EPHB2: variants seen among roughly 807,000 people sequenced by gnomAD.
EPHB2 encodes the protein EPH receptor B2.
A neutral mutation model predicts 96.4 loss-of-function variants in EPHB2; 18 were observed. That is an observed-to-expected ratio of 0.19 (90% CI 0.13 to 0.28). EPHB2 has a LOEUF of 0.28. Ranked by LOEUF, EPHB2 falls within the 10% of genes least tolerant of loss-of-function variation. The pLI, the probability that EPHB2 is intolerant of heterozygous loss-of-function variation, is 1.00. For synonymous variants in EPHB2, 506 were observed against 534.1 expected (o/e 0.95, Z 0.72); for missense variants, 989 against 1,355.4 (o/e 0.73, Z 4.25).
chr1:22,716,124 T>A (rs779208396), intron 1 of EPHB2, among the ~76,000 whole-genome samples: 1 of 152,182 alleles, frequency 6.6e-6, no homozygotes, highest in Non-Finnish European at 1.5e-5. Flanking sequence ...ACTCCATCCC[T>A]GCCTCTTTCT....
Position 22,915,557 on chromosome 1 carries a change from C to T in EPHB2, c.*1987C>T, listed in dbSNP as rs767068423. On this transcript the variant is annotated 3_prime_UTR_variant, in exon 16 of 16. Coordinates refer to ENST00000374630, the MANE Select transcript of EPHB2 (RefSeq NM_017449.5). ...GAGTTGGAAGTGGCTCAGAACTCAGCCTTCGATGCCCTGGGAATCAGGGTG... is the reference window on the plus strand; with the variant it reads ...GAGTTGGAAGTGGCTCAGAACTCAGTCTTCGATGCCCTGGGAATCAGGGTG... The T allele has an allele frequency of 2.0e-5, 3 of 152,156 alleles. No homozygotes were observed. The highest frequency in any genetic ancestry group is 2.9e-5 in the Non-Finnish European group (2 of 68,054). 9.4% of individuals were successfully genotyped at this position (152,156 alleles called of 1,614,324 possible). A position where few individuals can be genotyped will look rare whatever the true frequency, so the allele number is the denominator to read the frequency against.
chr1:22,852,851 G>T (rs1355108385), intron 3 of EPHB2, among the ~76,000 whole-genome samples: 1 of 152,370 alleles, frequency 6.6e-6, no homozygotes, highest in East Asian at 1.9e-4. Flanking sequence ...AGCAGGGCAG[G>T]TGCAGTGGCT....
At chr1:22,735,703 T>C (rs1557643495) in intron 1 of EPHB2, among the ~76,000 whole-genome samples, 1 of 152,190 alleles carries the variant, frequency 6.6e-6, no homozygotes. Flanking sequence ...CAATTCAAGC[T>C]TGACTCATTT....
chr1:22,751,975 G>A (rs1020176147), intron 1 of EPHB2, among the ~76,000 whole-genome samples: 1 of 152,196 alleles, frequency 6.6e-6, no homozygotes, highest in Non-Finnish European at 1.5e-5. Flanking sequence ...TCCACCCTGT[G>A]CACAGTGACA....
intron 1 of EPHB2, among the ~76,000 whole-genome samples, chr1:22,720,660 T>TCCCCCCCCCCC (rs916713865): frequency 8.7e-5 from 5 of 57,400 alleles, no homozygotes; most frequent in Non-Finnish European, 1.0e-4. Flanking sequence ...GAAATCTCAT[T>TCCCCCCCCCCC]CCCCCCCCCC....
At chr1:22,725,409 G>A (rs1353616580) in intron 1 of EPHB2, among the ~76,000 whole-genome samples, 3 of 152,034 alleles carry the variant, frequency 2.0e-5, no homozygotes, top group Non-Finnish European at 4.4e-5. Context: ...AGGGACAATG[G>A]CAGGATGATT....
At chr1:22,722,794 T>C (rs546966792) in intron 1 of EPHB2, among the ~76,000 whole-genome samples, 1 of 152,316 alleles carries the variant, frequency 6.6e-6, no homozygotes. Flanking sequence ...CTTGGCCCTC[T>C]TAGCTCTTTG....
At chr1:22,798,743 A>C (rs1468533694) in intron 3 of EPHB2, among the ~76,000 whole-genome samples, 1 of 152,086 alleles carries the variant, frequency 6.6e-6, no homozygotes, top group Non-Finnish European at 1.5e-5. Context: ...CCTGAGCCTC[A>C]GTTTCCCTGT....
At chr1:22,850,440 T>C (rs1226646676) in intron 3 of EPHB2, among the ~76,000 whole-genome samples, 1 of 152,226 alleles carries the variant, frequency 6.6e-6, no homozygotes, top group Non-Finnish European at 1.5e-5. Context: ...GGACTGGGCC[T>C]GCCAGGCCTT....
intron 1 of EPHB2, among the ~76,000 whole-genome samples, chr1:22,759,005 GGATGGAT>G (rs1397083058): frequency 1.3e-5 from 2 of 151,986 alleles, no homozygotes; most frequent in Non-Finnish European, 2.9e-5. Context: ...AATGATGGAT[GGATGGAT>G]GATGGGTGAT....
intron 3 of EPHB2, among the ~76,000 whole-genome samples, chr1:22,802,049 G>T (rs1466615424): frequency 1.3e-5 from 2 of 152,170 alleles, no homozygotes; most frequent in African/African-American, 4.8e-5. Flanking sequence ...GCTGCTGGGG[G>T]GTGGGGTGCT....
intron 3 of EPHB2, among the ~76,000 whole-genome samples, chr1:22,831,322 C>T (rs1474363844): frequency 6.6e-6 from 1 of 152,178 alleles, no homozygotes; most frequent in Non-Finnish European, 1.5e-5. Context: ...AAACCCAGAA[C>T]TGGGATGGGG....
intron 9 of EPHB2, among the ~76,000 whole-genome samples, chr1:22,899,193 CAAA>C (rs34967134): frequency 1.7e-4 from 20 of 115,148 alleles, no homozygotes; most frequent in Admixed American, 3.7e-4. Context: ...AACGCCATCT[CAAA>C]AAAAAAAAAA....
chr1:22,905,867 C>T, intron 9 of EPHB2, 120 bp from the exon 10 acceptor site: 1 of 1,527,556 alleles, frequency 6.5e-7, no homozygotes, highest in Admixed American at 1.7e-5. Context: ...GGGAGTTGCC[C>T]AGTTCTTATG....
intron 3 of EPHB2, chr1:22,835,869 T>C (rs1368894057): frequency 2.0e-5 from 3 of 151,556 alleles, no homozygotes; most frequent in Non-Finnish European, 3.0e-5. Context: ...CCACTTGGCT[T>C]TCTCCTGAGA....
intron 1 of EPHB2, among the ~76,000 whole-genome samples, chr1:22,780,943 C>T (rs887630708): frequency 2.0e-5 from 3 of 152,010 alleles, no homozygotes; most frequent in African/African-American, 4.8e-5. Context: ...GAGTCTAAAC[C>T]GAGGGCAGTC....
chr1:22,842,699 C>T (rs575203736), intron 3 of EPHB2, among the ~76,000 whole-genome samples: 14 of 152,168 alleles, frequency 9.2e-5, no homozygotes, highest in Non-Finnish European at 2.1e-4. Context: ...CCACTCAGTT[C>T]CCCCATATTC....
chr1:22,735,455 GA>G (rs1205151349), intron 1 of EPHB2, among the ~76,000 whole-genome samples: 1 of 150,704 alleles, frequency 6.6e-6, no homozygotes, highest in Non-Finnish European at 1.5e-5. Flanking sequence ...AAAAAAAGAA[GA>G]AGAAGAAGAA....
chr1:22,714,821 C>T (rs1016923376), intron 1 of EPHB2, among the ~76,000 whole-genome samples: 2 of 152,224 alleles, frequency 1.3e-5, no homozygotes, highest in Non-Finnish European at 2.9e-5. Flanking sequence ...TTTGTGTCCA[C>T]AGTTCTGGTC....
Sources: gnomAD v4.1 joint callset for allele counts (sites outside exome capture counted in the v4.1 genomes callset) on GRCh38, gnomAD v4.1.1 for gene constraint, MANE v1.5 for transcripts, NCBI Gene and HGNC (gene_info 2026-07-23, HGNC 2026-07-21) for gene names.